The following LRRFIP1 variants were observed in gnomAD, a reference collection of about 807,000 sequenced individuals.
LRRFIP1 encodes the protein LRR binding FLII interacting protein 1.
A neutral mutation model predicts 104.4 loss-of-function variants in LRRFIP1; 62 were observed. The observed-to-expected ratio is 0.59, with a 90% confidence interval of 0.48 to 0.73. The LOEUF (loss-of-function observed/expected upper bound fraction) is 0.73, where lower values mean the gene tolerates loss of function less well. LRRFIP1 is among the 30% of genes least tolerant of loss of function. LRRFIP1 has a pLI of 0.00. For missense variants in LRRFIP1, 796 were observed against 824.5 expected, an observed-to-expected ratio of 0.97 and a Z score of 0.42; for synonymous variants, 300 against 299.0, an observed-to-expected ratio of 1.00 and a Z score of -0.03.
intron 19 of LRRFIP1, chr2:237,764,533 C>A: frequency 9.5e-7 from 1 of 1,054,912 alleles, no homozygotes; most frequent in Non-Finnish European, 1.1e-6. Flanking sequence ...TCTTAGACTT[C>A]TGTATTATGA....
chr2:237,666,887 C>G (rs10168459), intron 1 of LRRFIP1, among the ~76,000 whole-genome samples: 1 of 144,120 alleles, frequency 6.9e-6, no homozygotes, highest in Admixed American at 7.1e-5. Flanking sequence ...TCGCTCTGTT[C>G]CTTTCTTTTT....
At chr2:237,778,498 C>T (rs2150949949) in intron 23 of LRRFIP1, among the ~76,000 whole-genome samples, 1 of 152,340 alleles carries the variant, frequency 6.6e-6, no homozygotes, top group East Asian at 1.9e-4. Context: ...GCCGTCTTGG[C>T]CTCAGGCATT....
At chr2:237,729,291 CTG>C (rs778800799) in intron 8 of LRRFIP1, among the ~76,000 whole-genome samples, 66 of 152,240 alleles carry the variant, frequency 4.3e-4, no homozygotes, top group Non-Finnish European at 8.1e-4. Flanking sequence ...CATTTGCACT[CTG>C]TGGATAAGGG....
intron 2 of LRRFIP1, among the ~76,000 whole-genome samples, chr2:237,709,999 C>T (rs1456661769): frequency 1.3e-5 from 2 of 151,630 alleles, no homozygotes; most frequent in African/African-American, 2.4e-5. Flanking sequence ...ATTATAGGTG[C>T]GCACCACCAT....
intron 7 of LRRFIP1, among the ~76,000 whole-genome samples, chr2:237,724,459 G>A (rs2094661320): frequency 6.6e-6 from 1 of 152,194 alleles, no homozygotes; most frequent in Non-Finnish European, 1.5e-5. Flanking sequence ...AGCCTCCTGT[G>A]GGACGGCTGT....
rs1379694115 is a variant in LRRFIP1, at chr2:237,735,354, C to A, written c.555+21C>A. The stretch of plus-strand genomic sequence containing the variant: ...GTGCTGTAAGGCGCTTTCGGTGATA[C>A]CTCCTTTCCCCCGTGCCTGCTGCAT... On this transcript the variant is annotated intron_variant, in intron 10 of 23. Coordinates refer to ENST00000308482, the MANE Select transcript of LRRFIP1 (RefSeq NM_001137550.2). The surrounding 1 kb of genome is among the most constrained non-coding windows in gnomAD (Gnocchi z 4.6). 1.2e-6 allele frequency: 2 copies of A among 1,609,306 alleles called. No individual in the cohort carries two copies. Among genetic ancestry groups the A allele is most frequent in the East Asian group, 2.2e-5 (1 of 44,828 alleles).
At chr2:237,759,601 A>G (rs887517728) in intron 18 of LRRFIP1, among the ~76,000 whole-genome samples, 10 of 152,222 alleles carry the variant, frequency 6.6e-5, no homozygotes, top group Non-Finnish European at 1.5e-4. Context: ...TATACTGAAC[A>G]TTCTAGCCAC....
chr2:237,664,249 C>T (rs773042332), intron 1 of LRRFIP1, among the ~76,000 whole-genome samples: 2 of 152,254 alleles, frequency 1.3e-5, no homozygotes, highest in Non-Finnish European at 2.9e-5. Context: ...GGAGGGGGCC[C>T]AAGCCAGGGA....
At chr2:237,718,648 A>G (rs1412234109) in intron 4 of LRRFIP1, among the ~76,000 whole-genome samples, 2 of 152,196 alleles carry the variant, frequency 1.3e-5, no homozygotes, top group African/African-American at 4.8e-5. Context: ...ACTTCATCAC[A>G]TGCTTTTAGC....
intron 2 of LRRFIP1, among the ~76,000 whole-genome samples, chr2:237,709,701 T>C (rs533285557): frequency 6.6e-6 from 1 of 152,200 alleles, no homozygotes; most frequent in South Asian, 2.1e-4. Flanking sequence ...AGTTTGCCGC[T>C]CCATGTAGAA....
chr2:237,676,153 T>C (rs906200026), intron 1 of LRRFIP1, among the ~76,000 whole-genome samples: 1 of 152,134 alleles, frequency 6.6e-6, no homozygotes, highest in South Asian at 2.1e-4. Context: ...GAAGGTGGAG[T>C]GGGCATTGCT....
rs781394179 is a variant in LRRFIP1 at position 237,753,516 on chromosome 2, C to T, written c.1038+37C>T. 9 of 1,502,148 alleles carry T rather than the reference C, an allele frequency of 6.0e-6. No homozygotes were observed. The African/African-American group carries it at 8.6e-5, about 14-fold the overall frequency. 93.1% of individuals were successfully genotyped at this position (1,502,148 alleles called of 1,614,324 possible). The stretch of plus-strand genomic sequence containing the variant: ...TATGATACAGAATGTTAACAATAGG[C>T]TGCGTGCAGTGGCCCATGCCTGTAA... On this transcript the variant is annotated intron_variant, in intron 15 of 23. Transcript: ENST00000308482.
intron 1 of LRRFIP1, among the ~76,000 whole-genome samples, chr2:237,677,516 G>A (rs147618056): frequency 6.6e-6 from 1 of 152,258 alleles, no homozygotes; most frequent in East Asian, 1.9e-4. Flanking sequence ...TGAAGGCCAG[G>A]CACAGTAGCT....
At chr2:237,739,182 C>G in intron 10 of LRRFIP1, 50 bp from the exon 11 acceptor site, 1 of 1,501,028 alleles carries the variant, frequency 6.7e-7, no homozygotes, top group Non-Finnish European at 9.1e-7. Context: ...CTTTGCTGAC[C>G]CTGTTCCTTT....
chr2:237,708,504 C>T (rs368708788), intron 1 of LRRFIP1, 40 bp from the exon 2 acceptor site: 94 of 1,487,192 alleles, frequency 6.3e-5, no homozygotes, highest in Middle Eastern at 2.3e-4. Context: ...GGAAGGTGCC[C>T]GCTGCTCTGT....
In LRRFIP1 at chr2:237,768,015, A is replaced by G. The variant is rs377279538; in HGVS notation, c.1460-1928A>G. Among the ~76,000 whole-genome samples, 7 of 152,334 alleles carry G rather than the reference A, an allele frequency of 4.6e-5. No homozygotes were observed. The East Asian group carries it at 7.7e-4, about 17-fold the overall frequency. ...CTGCCTCTCTTAAATATTTTTCAACATGTGAATGGCTGGTGGCTGATACAG... is the reference window on the plus strand; with the variant it reads ...CTGCCTCTCTTAAATATTTTTCAACGTGTGAATGGCTGGTGGCTGATACAG... On this transcript the variant is annotated intron_variant, in intron 19 of 23. Transcript: ENST00000308482.
At chr2:237,667,012 T>C (rs2089512860) in intron 1 of LRRFIP1, among the ~76,000 whole-genome samples, 1 of 151,826 alleles carries the variant, frequency 6.6e-6, no homozygotes, top group Non-Finnish European at 1.5e-5. Context: ...AGCTTGTTTC[T>C]AGTTGTTTTT....
At chr2:237,652,904 G>T (rs2086170071) in intron 1 of LRRFIP1, among the ~76,000 whole-genome samples, 1 of 152,192 alleles carries the variant, frequency 6.6e-6, no homozygotes, top group Non-Finnish European at 1.5e-5. Context: ...TCTTTGTGTT[G>T]GGGGAGGAGC....
chr2:237,679,121 T>C (rs2091512001), intron 1 of LRRFIP1, among the ~76,000 whole-genome samples: 1 of 152,246 alleles, frequency 6.6e-6, no homozygotes, highest in Admixed American at 6.5e-5. Flanking sequence ...CTGACTTAAG[T>C]ATTATTCCTT....
Sources: allele counts gnomAD v4.1 joint callset (sites outside exome capture counted in the v4.1 genomes callset), GRCh38; gene constraint gnomAD v4.1.1; non-coding constraint Gnocchi (gnomAD v3.1); transcripts MANE v1.5; gene names NCBI Gene and HGNC (gene_info 2026-07-23, HGNC 2026-07-21).